COX7B2: variants seen among roughly 807,000 people sequenced by gnomAD.
COX7B2 encodes the protein cytochrome c oxidase subunit 7B2.
For missense variants in COX7B2, 109 were observed against 95.9 expected (o/e 1.14, Z -0.57); for synonymous variants, 37 against 32.1 (o/e 1.15, Z -0.51).
chr4:46,861,729 G>C (rs1717344861), intron 1 of COX7B2, among the ~76,000 whole-genome samples: 1 of 152,192 alleles, frequency 6.6e-6, no homozygotes, highest in South Asian at 2.1e-4. Flanking sequence ...CTTAAGCGGT[G>C]GTTGTAGAAT....
In COX7B2 at chr4:46,779,484, G is replaced by A. The variant is rs1717326174; in HGVS notation, c.-49-44243C>T. On this transcript the variant is annotated intron_variant, in intron 2 of 2. Transcript: ENST00000355591. ...TGAATAATGCTGTGATGAACATGGA[G>A]GTGCAGATATTTAATATCTTTTCAA... Among the ~76,000 whole-genome samples, 3 of 152,278 alleles carry A rather than the reference G, an allele frequency of 2.0e-5. No individual in the cohort carries two copies. The South Asian group carries it at 6.2e-4, about 32-fold the overall frequency.
At chr4:46,797,761 T>C (rs1300459370) in intron 2 of COX7B2, among the ~76,000 whole-genome samples, 1 of 152,192 alleles carries the variant, frequency 6.6e-6, no homozygotes, top group East Asian at 1.9e-4. Flanking sequence ...TATCATAAGC[T>C]TAATAAGGTG....
At chr4:46,804,843 T>C (rs546238905) in intron 2 of COX7B2, among the ~76,000 whole-genome samples, 1,906 of 152,218 alleles carry the variant, frequency 0.013, 32 homozygotes, top group African/African-American at 0.044. Context: ...TCCTCAGCCT[T>C]TGGGTGGTTG....
intron 1 of COX7B2, among the ~76,000 whole-genome samples, chr4:46,874,098 G>C (rs1473812253): frequency 6.6e-6 from 1 of 151,922 alleles, no homozygotes; most frequent in Admixed American, 6.6e-5. Flanking sequence ...TCTTGAGTTT[G>C]GGAACTTGGC....
chr4:46,908,738 CAAAAAA>C (rs34388680), intron 1 of COX7B2, among the ~76,000 whole-genome samples: 1 of 121,090 alleles, frequency 8.3e-6, no homozygotes, highest in East Asian at 2.4e-4. Context: ...AGGAAAGTGG[CAAAAAA>C]AAAAAAAAAA....
chr4:46,758,401 T>A (rs574624723), intron 2 of COX7B2, among the ~76,000 whole-genome samples: 2 of 152,224 alleles, frequency 1.3e-5, no homozygotes, highest in Admixed American at 1.3e-4. Flanking sequence ...AGTTAGATGA[T>A]AGTCAATTCA....
chr4:46,887,710 CAAAAAAAAAAAA>C (rs564556459), intron 1 of COX7B2, among the ~76,000 whole-genome samples: 1 of 41,660 alleles, frequency 2.4e-5, no homozygotes, highest in Admixed American at 2.5e-4. Flanking sequence ...GACTCCTTCT[CAAAAAAAAAAAA>C]AAAAAAAAAA....
At chr4:46,743,871 T>C (rs947360440) in intron 2 of COX7B2, among the ~76,000 whole-genome samples, 2 of 152,186 alleles carry the variant, frequency 1.3e-5, no homozygotes, top group Non-Finnish European at 1.5e-5. Context: ...ACTGTACTCA[T>C]TTCCAAAGGC....
chr4:46,747,785 A>T (rs1246713336), intron 2 of COX7B2, among the ~76,000 whole-genome samples: 2 of 152,224 alleles, frequency 1.3e-5, no homozygotes, highest in African/African-American at 4.8e-5. Flanking sequence ...TCACATTGGA[A>T]TAAAGCTCCT....
chr4:46,760,810 A>G (rs1716104355), intron 2 of COX7B2, among the ~76,000 whole-genome samples: 1 of 152,244 alleles, frequency 6.6e-6, no homozygotes, highest in Non-Finnish European at 1.5e-5. Context: ...CAAATTAGTC[A>G]TAGCTAAAGA....
At chr4:46,763,982 G>C (rs963638042) in intron 2 of COX7B2, among the ~76,000 whole-genome samples, 2 of 152,138 alleles carry the variant, frequency 1.3e-5, no homozygotes, top group Non-Finnish European at 2.9e-5. Flanking sequence ...TGTTAGGGCA[G>C]TCAGGAAGAG....
At chr4:46,812,358 C>G (rs1303187349) in intron 2 of COX7B2, among the ~76,000 whole-genome samples, 1 of 107,612 alleles carries the variant, frequency 9.3e-6, no homozygotes, top group African/African-American at 3.9e-5. Flanking sequence ...CAGCATGGAT[C>G]TGAATAAAAA....
chr4:46,866,710 C>T (rs1237779687), intron 1 of COX7B2, among the ~76,000 whole-genome samples: 2 of 152,082 alleles, frequency 1.3e-5, no homozygotes, highest in Non-Finnish European at 2.9e-5. Flanking sequence ...AGGTCGGGCA[C>T]TGAAGAGAAT....
At chr4:46,736,706 A>C (rs1714385620) in intron 2 of COX7B2, among the ~76,000 whole-genome samples, 1 of 152,148 alleles carries the variant, frequency 6.6e-6, no homozygotes, top group Non-Finnish European at 1.5e-5. Context: ...AGTTGTAATC[A>C]TACAGTATAC....
chr4:46,829,366 T>G (rs1055883549), intron 2 of COX7B2, among the ~76,000 whole-genome samples: 2 of 152,220 alleles, frequency 1.3e-5, no homozygotes, highest in Admixed American at 1.3e-4. Flanking sequence ...ATCTATTTTC[T>G]AATTCAGTTT....
chr4:46,775,511 T>C (rs1327699463), intron 2 of COX7B2, among the ~76,000 whole-genome samples: 1 of 152,166 alleles, frequency 6.6e-6, no homozygotes, highest in Non-Finnish European at 1.5e-5. Flanking sequence ...TATTTAGTGA[T>C]GAATAAGCTG....
chr4:46,802,654 C>T (rs2109628705), intron 2 of COX7B2, among the ~76,000 whole-genome samples: 1 of 152,234 alleles, frequency 6.6e-6, no homozygotes, highest in South Asian at 2.1e-4. Flanking sequence ...TTTGAATCAG[C>T]TCTCCAAAGG....
chr4:46,827,166 G>A (rs1184839410), intron 2 of COX7B2, among the ~76,000 whole-genome samples: 1 of 151,452 alleles, frequency 6.6e-6, no homozygotes, highest in Non-Finnish European at 1.5e-5. Context: ...GACAAAAAGT[G>A]AAAGAAAAAA....
chr4:46,820,821 CAA>C (rs754039038), intron 2 of COX7B2, among the ~76,000 whole-genome samples: 38 of 137,742 alleles, frequency 2.8e-4, no homozygotes, highest in East Asian at 1.7e-3. Flanking sequence ...AACTCCATCT[CAA>C]AAAAAAAAAA....
Sources: allele counts gnomAD v4.1 joint callset (sites outside exome capture counted in the v4.1 genomes callset), GRCh38; gene constraint gnomAD v4.1.1; transcripts MANE v1.5; gene names NCBI Gene and HGNC (gene_info 2026-07-23, HGNC 2026-07-21).